Variants in PHACTR1 observed in about 807,000 individuals in gnomAD.
PHACTR1 encodes phosphatase and actin regulator 1.
In PHACTR1, 16 loss-of-function variants were observed where a neutral mutation model predicts 69.2. The observed-to-expected ratio is 0.23, with a 90% confidence interval of 0.16 to 0.35. The LOEUF (loss-of-function observed/expected upper bound fraction) is 0.35, where lower values mean the gene tolerates loss of function less well. PHACTR1 is among the 10% of genes least tolerant of loss of function. The pLI is 1.00. For missense variants in PHACTR1, 510 were observed against 734.7 expected (o/e 0.69, Z 3.54); for synonymous variants, 312 against 284.5 (o/e 1.10, Z -0.97).
intron 11 of PHACTR1, 91 bp from the exon 12 acceptor site, chr6:13,278,177 G>T (rs1779340029): frequency 5.2e-5 from 63 of 1,222,592 alleles, no homozygotes; most frequent in Non-Finnish European, 6.9e-5. Flanking sequence ...AAAATGAGAT[G>T]CTTGGCCTAG....
chr6:13,248,406 A>G (rs1773887627), intron 10 of PHACTR1, among the ~76,000 whole-genome samples: 1 of 152,254 alleles, frequency 6.6e-6, no homozygotes, highest in Non-Finnish European at 1.5e-5. Context: ...TGTATCATAA[A>G]TGTGTATCAC....
At chr6:13,222,361 A>T (rs540118095) in intron 8 of PHACTR1, among the ~76,000 whole-genome samples, 7 of 152,348 alleles carry the variant, frequency 4.6e-5, no homozygotes, top group African/African-American at 1.4e-4. Flanking sequence ...GTTTCACTCA[A>T]GCGTCAGCCT....
intron 4 of PHACTR1, among the ~76,000 whole-genome samples, chr6:13,026,823 A>G (rs1801762622): frequency 6.6e-6 from 1 of 152,260 alleles, no homozygotes; most frequent in African/African-American, 2.4e-5. Flanking sequence ...TGTGCAGGTC[A>G]CAGAGTAATG....
intron 4 of PHACTR1, among the ~76,000 whole-genome samples, chr6:12,803,313 T>C (rs1773924816): frequency 1.3e-5 from 2 of 152,128 alleles, no homozygotes; most frequent in Non-Finnish European, 2.9e-5. Flanking sequence ...GGTCTCTCTT[T>C]TTCACTTCTT....
intron 6 of PHACTR1, 64 bp from the exon 7 acceptor site, chr6:13,182,455 A>C: frequency 3.2e-6 from 5 of 1,538,684 alleles, no homozygotes; most frequent in Non-Finnish European, 4.5e-6. Context: ...GCAGGCGGGA[A>C]GTGCCACTCT....
At chr6:13,221,028 A>G (rs1258904904) in intron 8 of PHACTR1, among the ~76,000 whole-genome samples, 1 of 152,218 alleles carries the variant, frequency 6.6e-6, no homozygotes, top group Non-Finnish European at 1.5e-5. Context: ...GGATGTGCAG[A>G]GAAGGGACTG....
chr6:12,833,132 A>G (rs1777767696), intron 4 of PHACTR1, among the ~76,000 whole-genome samples: 1 of 152,066 alleles, frequency 6.6e-6, no homozygotes. Context: ...TGCCTCTGGA[A>G]TGCTGTGATG....
intron 4 of PHACTR1, among the ~76,000 whole-genome samples, chr6:13,014,662 C>A (rs1016775927): frequency 2.0e-5 from 3 of 151,574 alleles, no homozygotes; most frequent in Non-Finnish European, 2.9e-5. Flanking sequence ...TAAAACATGG[C>A]TGTGATTTTT....
At chr6:12,909,235 G>A (rs1571999) in intron 4 of PHACTR1, among the ~76,000 whole-genome samples, 128,521 of 152,184 alleles carry the variant, frequency 0.84, 57,125 homozygotes, top group East Asian at 0.97. Flanking sequence ...TTGGTTACAT[G>A]TTGATGGAAA....
chr6:13,250,169 A>G (rs1473899843), intron 10 of PHACTR1, among the ~76,000 whole-genome samples: 1 of 152,246 alleles, frequency 6.6e-6, no homozygotes, highest in African/African-American at 2.4e-5. Flanking sequence ...CCCTTTGAAG[A>G]AAAAAGAAAT....
chr6:12,798,888 C>T (rs1415040084), intron 4 of PHACTR1, among the ~76,000 whole-genome samples: 1 of 152,216 alleles, frequency 6.6e-6, no homozygotes, highest in Non-Finnish European at 1.5e-5. Flanking sequence ...AGGGAACATT[C>T]TCTCTATTCT....
At chr6:12,856,313 G>A (rs184609422) in intron 4 of PHACTR1, among the ~76,000 whole-genome samples, 1 of 150,050 alleles carries the variant, frequency 6.7e-6, no homozygotes, top group African/African-American at 2.5e-5. Flanking sequence ...GAGTGCAGTG[G>A]CGCGATCTCG....
At chr6:13,116,429 A>G (rs1266584729) in intron 5 of PHACTR1, among the ~76,000 whole-genome samples, 1 of 152,240 alleles carries the variant, frequency 6.6e-6, no homozygotes, top group African/African-American at 2.4e-5. Flanking sequence ...TTTAAAAAGT[A>G]GCCAACATTT....
intron 4 of PHACTR1, among the ~76,000 whole-genome samples, chr6:12,826,390 G>T (rs1377679829): frequency 6.6e-6 from 1 of 152,094 alleles, no homozygotes; most frequent in Non-Finnish European, 1.5e-5. Context: ...TACATAATTG[G>T]CTAGGAAAAT....
chr6:12,727,505 G>C (rs1402793375), intron 3 of PHACTR1, among the ~76,000 whole-genome samples: 5 of 152,190 alleles, frequency 3.3e-5, no homozygotes, highest in African/African-American at 4.8e-5. Context: ...ATGGGGATGA[G>C]AGGAAGAGGG....
At chr6:13,108,226 G>A (rs1816481672) in intron 5 of PHACTR1, among the ~76,000 whole-genome samples, 1 of 151,790 alleles carries the variant, frequency 6.6e-6, no homozygotes, top group Admixed American at 6.6e-5. Context: ...TAATTTCATT[G>A]CAGTCATAGA....
intron 4 of PHACTR1, among the ~76,000 whole-genome samples, chr6:12,786,192 T>C (rs1771522940): frequency 6.6e-6 from 1 of 152,176 alleles, no homozygotes; most frequent in Non-Finnish European, 1.5e-5. Context: ...TGTTCAATTA[T>C]AAAGGAATGT....
At chr6:13,254,401 C>T (rs1774901330) in intron 10 of PHACTR1, among the ~76,000 whole-genome samples, 2 of 151,994 alleles carry the variant, frequency 1.3e-5, no homozygotes, top group African/African-American at 4.8e-5. Flanking sequence ...AGTATTGGGC[C>T]CAGTGTAACT....
At chr6:12,919,418 G>A (rs1232746405) in intron 4 of PHACTR1, among the ~76,000 whole-genome samples, 2 of 152,168 alleles carry the variant, frequency 1.3e-5, no homozygotes, top group African/African-American at 2.4e-5. Context: ...TGGGAGTACA[G>A]GCATGAGCCA....
Sources: gnomAD v4.1 joint callset for allele counts (sites outside exome capture counted in the v4.1 genomes callset) on GRCh38, gnomAD v4.1.1 for gene constraint, MANE v1.5 for transcripts, NCBI Gene and HGNC (gene_info 2026-07-23, HGNC 2026-07-21) for gene names.